Variants in CPE observed in about 807,000 individuals in gnomAD.
The protein encoded by CPE is carbocypeptidase E.
In CPE, 17 loss-of-function variants were observed where a neutral mutation model predicts 53.5. That is an observed-to-expected ratio of 0.32 (90% CI 0.22 to 0.48). The LOEUF is 0.48. CPE is among the 20% of genes least tolerant of loss of function. The pLI, the probability that CPE is intolerant of heterozygous loss-of-function variation, is 0.99. For missense variants in CPE, 524 were observed against 614.7 expected (o/e 0.85, Z 1.56); for synonymous variants, 226 against 228.8 (o/e 0.99, Z 0.11).
intron 1 of CPE, among the ~76,000 whole-genome samples, chr4:165,440,024 T>C (rs550342408): frequency 9.2e-5 from 14 of 152,348 alleles, no homozygotes; most frequent in African/African-American, 3.1e-4. Flanking sequence ...ATTTGCATAG[T>C]GCAATTATAT....
At chr4:165,496,572 C>T (rs911141408) in intron 8 of CPE, among the ~76,000 whole-genome samples, 4 of 152,012 alleles carry the variant, frequency 2.6e-5, no homozygotes, top group African/African-American at 9.7e-5. Flanking sequence ...AATAATCAGG[C>T]GTTTAAGTGG....
chr4:165,385,442 G>T (rs1242423613), intron 1 of CPE, among the ~76,000 whole-genome samples: 20 of 92,410 alleles, frequency 2.2e-4, no homozygotes, highest in Non-Finnish European at 2.5e-4. Context: ...ACAAATGTTT[G>T]CTTTTTTTTT....
intron 1 of CPE, among the ~76,000 whole-genome samples, chr4:165,450,677 T>C (rs994287489): frequency 3.3e-5 from 5 of 152,232 alleles, no homozygotes; most frequent in South Asian, 2.1e-4. Flanking sequence ...TGGAGTATCA[T>C]AGGATTATTT....
At chr4:165,401,197 TG>T (rs1730862304) in intron 1 of CPE, among the ~76,000 whole-genome samples, 1 of 152,198 alleles carries the variant, frequency 6.6e-6, no homozygotes, top group Admixed American at 6.5e-5. Context: ...ACCCTGTAAG[TG>T]GTGCCATTGC....
In CPE at chr4:165,493,778, G is replaced by A. The variant is rs76649642; in HGVS notation, c.1213+508G>A. On this transcript the variant is annotated intron_variant, in intron 7 of 8. Transcript: ENST00000402744. ...TCCGCAGGGATTCAAGGTTAAACAA[G>A]AGTTTATAGGATTGAGGTGCGATGT... Among the ~76,000 whole-genome samples the A allele has an allele frequency of 2.3e-3, 343 of 152,248 alleles. 6 individuals are homozygous for A. Among genetic ancestry groups the A allele is most frequent in the East Asian group, 0.013 (69 of 5,184 alleles).
At position 165,486,208 on chromosome 4, in the gene CPE, T is replaced by TGG. The variant is rs71602593; in HGVS notation, c.974-1224_974-1223dup. The stretch of plus-strand genomic sequence containing the variant: ...CATCAGCAATTCTCTGGAAAAGGGG[T>TGG]GGGGGGGTAGCTGTGAGCTCTAACA... On this transcript the variant is annotated intron_variant, in intron 5 of 8. Transcript: ENST00000402744. 1.1e-3 allele frequency among the ~76,000 whole-genome samples: 170 copies of TGG among 151,256 alleles called. 1 individual carries two copies. The highest frequency in any genetic ancestry group is 6.3e-3 in the East Asian group (32 of 5,086).
At chr4:165,433,478 TC>T (rs2126680872) in intron 1 of CPE, among the ~76,000 whole-genome samples, 1 of 152,302 alleles carries the variant, frequency 6.6e-6, no homozygotes, top group Admixed American at 6.5e-5. Context: ...TGACTTCTTT[TC>T]CTTATTATCC....
intron 1 of CPE, among the ~76,000 whole-genome samples, chr4:165,459,631 T>G (rs1262798244): frequency 9.3e-6 from 1 of 108,058 alleles, no homozygotes; most frequent in African/African-American, 3.5e-5. Flanking sequence ...AGGCCGGGCG[T>G]GGTGGCTCAC....
At chr4:165,451,733 AC>A (rs951871124) in intron 1 of CPE, among the ~76,000 whole-genome samples, 5 of 151,896 alleles carry the variant, frequency 3.3e-5, no homozygotes, top group Admixed American at 3.3e-4. Flanking sequence ...CTTGTGATCC[AC>A]CCGCCTCGGC....
intron 4 of CPE, 46 bp from the exon 5 acceptor site, chr4:165,484,376 G>T: frequency 6.4e-7 from 1 of 1,556,810 alleles, no homozygotes; most frequent in Non-Finnish European, 8.8e-7. Context: ...ATGCTGTGCT[G>T]CTTGGTCTGT....
intron 1 of CPE, among the ~76,000 whole-genome samples, chr4:165,460,565 C>T (rs1731982261): frequency 6.6e-6 from 1 of 152,116 alleles, no homozygotes; most frequent in African/African-American, 2.4e-5. Context: ...CCGGGTGCAG[C>T]CTCCTTGAAG....
intron 7 of CPE, among the ~76,000 whole-genome samples, chr4:165,494,760 A>G (rs1732675703): frequency 6.6e-6 from 1 of 152,250 alleles, no homozygotes; most frequent in African/African-American, 2.4e-5. Context: ...ATGTAGATTT[A>G]GAGGTAGATT....
chr4:165,470,575 C>G (rs942659635), intron 3 of CPE, among the ~76,000 whole-genome samples: 1 of 152,156 alleles, frequency 6.6e-6, no homozygotes, highest in African/African-American at 2.4e-5. Context: ...GAGGGACTGC[C>G]TTTCCCTGGC....
Position 165,431,143 on chromosome 4 carries a change from T to C in CPE, c.308-33247T>C, listed in dbSNP as rs73009314. 6.4e-3 allele frequency among the ~76,000 whole-genome samples: 982 copies of C among 152,318 alleles called. 10 individuals carry two copies. Among genetic ancestry groups the C allele is most frequent in the African/African-American group, 0.022 (930 of 41,578 alleles). On this transcript the variant is annotated intron_variant, in intron 1 of 8. Coordinates refer to ENST00000402744, the MANE Select transcript of CPE (RefSeq NM_001873.4). ...TACTGACCTATAAGCTGCATTTTAC[T>C]AAGGTTCAGGAGCTGTGTGGTTTGA...
At chr4:165,432,359 A>G (rs1731427359) in intron 1 of CPE, among the ~76,000 whole-genome samples, 1 of 152,128 alleles carries the variant, frequency 6.6e-6, no homozygotes, top group South Asian at 2.1e-4. Context: ...GCAGTGGCAC[A>G]ATCTCAGCTC....
chr4:165,460,783 T>A (rs1310787054), intron 1 of CPE, among the ~76,000 whole-genome samples: 3 of 152,176 alleles, frequency 2.0e-5, no homozygotes, highest in East Asian at 3.8e-4. Flanking sequence ...TTTATTCTTA[T>A]CGTATTCTTA....
At chr4:165,395,835 C>A (rs781543463) in intron 1 of CPE, among the ~76,000 whole-genome samples, 3 of 152,152 alleles carry the variant, frequency 2.0e-5, no homozygotes, top group Non-Finnish European at 2.9e-5. Context: ...TTACAAAAAA[C>A]CCCCAAAACA....
intron 1 of CPE, among the ~76,000 whole-genome samples, chr4:165,436,793 T>C (rs776241637): frequency 6.6e-6 from 1 of 152,166 alleles, no homozygotes; most frequent in Non-Finnish European, 1.5e-5. Flanking sequence ...CATGTGCCAA[T>C]GTGCCTAACT....
chr4:165,412,637 T>G (rs13126038), intron 1 of CPE, among the ~76,000 whole-genome samples: 43,684 of 152,152 alleles, frequency 0.29, 6,430 homozygotes, highest in Middle Eastern at 0.4. Context: ...TTGGCACCAC[T>G]CAGTCCTGTC....
Sources: gnomAD v4.1 joint callset for allele counts (sites outside exome capture counted in the v4.1 genomes callset) on GRCh38, gnomAD v4.1.1 for gene constraint, MANE v1.5 for transcripts, NCBI Gene and HGNC (gene_info 2026-07-23, HGNC 2026-07-21) for gene names.